Variants in USP7 observed in about 807,000 individuals in gnomAD.
USP7 encodes ubiquitin specific peptidase 7.
A neutral mutation model predicts 162.9 loss-of-function variants in USP7; 9 were observed. That is an observed-to-expected ratio of 0.06 (90% CI 0.03 to 0.10). The LOEUF (loss-of-function observed/expected upper bound fraction) is 0.10. Among genes scored for constraint, USP7 ranks in the 10% least tolerant of loss-of-function variants. The probability of loss-of-function intolerance (pLI) is 1.00; values close to 1 mark genes in which losing one functional copy is unlikely to be tolerated. For synonymous variants in USP7, 562 were observed against 475.9 expected, an observed-to-expected ratio of 1.18 and a Z score of -2.35; for missense variants, 715 against 1,373.7, an observed-to-expected ratio of 0.52 and a Z score of 7.58.
In USP7 at chr16:8,936,592, C is replaced by T; in HGVS notation, c.80-6195G>A. The T allele has an allele frequency of 6.4e-7, 1 of 1,550,726 alleles. No individual in the cohort carries two copies. Among genetic ancestry groups the T allele is most frequent in the South Asian group, 1.2e-5 (1 of 83,786 alleles). ...TGAAAACCTGACTCACCTTCCAGCCCAAGCCTGTGGTTCCCAGCCATCTCT... is the reference window on the plus strand; with the variant it reads ...TGAAAACCTGACTCACCTTCCAGCCTAAGCCTGTGGTTCCCAGCCATCTCT... On this transcript the variant is annotated intron_variant, in intron 1 of 30. Transcript: ENST00000344836.
chr16:8,893,725 TC>T lies in USP7; in HGVS notation c.*272del, dbSNP rs1044675083. ...GGACCCCCGATCCACTAACCTCTTCTCCCCCATTGCGCTGACAGTTGCCTTG... is the reference window on the plus strand; with the variant it reads ...GGACCCCCGATCCACTAACCTCTTCTCCCCATTGCGCTGACAGTTGCCTTG... On this transcript the variant is annotated 3_prime_UTR_variant, in exon 31 of 31. Coordinates refer to ENST00000344836, the MANE Select transcript of USP7 (RefSeq NM_003470.3). 1.0e-5 allele frequency: 4 copies of T among 389,122 alleles called. No individual in the cohort carries two copies. The East Asian group carries it at 2.2e-4, about 21-fold the overall frequency. 24.1% of individuals were successfully genotyped at this position (389,122 alleles called of 1,614,324 possible). A position where few individuals can be genotyped will look rare whatever the true frequency, so the allele number is the denominator to read the frequency against.
intron 30 of USP7, among the ~76,000 whole-genome samples, chr16:8,894,306 T>C (rs2061648115): frequency 6.6e-6 from 1 of 152,150 alleles, no homozygotes; most frequent in Non-Finnish European, 1.5e-5. Flanking sequence ...CTCACAACCC[T>C]GAGTCTCAAT....
At chr16:8,946,477 C>G (rs1412553921) in intron 1 of USP7, among the ~76,000 whole-genome samples, 3 of 152,166 alleles carry the variant, frequency 2.0e-5, no homozygotes, top group African/African-American at 7.2e-5. Flanking sequence ...CAGAAAGAAG[C>G]TGTTAAGTGA....
intron 1 of USP7, among the ~76,000 whole-genome samples, chr16:8,958,058 A>C (rs1351238114): frequency 6.6e-6 from 1 of 152,208 alleles, no homozygotes; most frequent in African/African-American, 2.4e-5. Flanking sequence ...AGTACACTGA[A>C]AAAAGTGTTT....
At chr16:8,919,506 A>G (rs1169246509) in intron 5 of USP7, among the ~76,000 whole-genome samples, 1 of 152,078 alleles carries the variant, frequency 6.6e-6, no homozygotes, top group Non-Finnish European at 1.5e-5. Flanking sequence ...ACAACGTGGA[A>G]AAAGCTGAAA....
chr16:8,894,463 G>C, intron 30 of USP7, 87 bp downstream of exon 30: 1 of 1,367,872 alleles, frequency 7.3e-7, no homozygotes, highest in East Asian at 2.3e-5. Flanking sequence ...GCTGGCACTT[G>C]ACCCTGGGGC....
At position 8,903,392 on chromosome 16, in the gene USP7, T is replaced by G; in HGVS notation, c.1715A>C (p.Glu572Ala). ...HLYMQVQIVA[E>A]DQFCGHQGND... ...CCCTTGGTGGCCACAAAACTGGTCC[T>G]CTGCGACTATCTGAAAATATGTATG... Residue 572 changes from glutamate (E) to alanine (A), a missense_variant, in exon 16 of 31, where the codon GAG becomes GCG. Coordinates refer to ENST00000344836, the MANE Select transcript of USP7 (RefSeq NM_003470.3). 2 of 1,613,788 alleles carry G rather than the reference T, an allele frequency of 1.2e-6. No individual in the cohort carries two copies. The highest frequency in any genetic ancestry group is 1.7e-6 in the Non-Finnish European group (2 of 1,179,746).
In USP7 at chr16:8,899,045, T is replaced by G. The variant is rs1337974322; in HGVS notation, c.2531+76A>C. 6 of 1,478,804 alleles carry G rather than the reference T, an allele frequency of 4.1e-6. No homozygotes were observed. In the African/African-American group the frequency reaches 8.4e-5, roughly 21 times the overall value. The allele number at this position is 1,478,804 out of a possible 1,614,324, so 91.6% of individuals were successfully genotyped here. A position where few individuals can be genotyped will look rare whatever the true frequency, so the allele number is the denominator to read the frequency against. On this transcript the variant is annotated intron_variant, in intron 23 of 30. Coordinates refer to ENST00000344836, the MANE Select transcript of USP7 (RefSeq NM_003470.3). ...TGAAATGGCGAGCTAATTATTAAAA[T>G]TAGTTCCAAGATGTTTCAATGAACT...
intron 11 of USP7, among the ~76,000 whole-genome samples, chr16:8,910,368 T>C (rs1213512000): frequency 2.0e-5 from 3 of 152,162 alleles, no homozygotes; most frequent in African/African-American, 7.2e-5. Flanking sequence ...TCATTAAAAA[T>C]ACATTTAAAA....
chr16:8,939,251 C>A (rs1451000712), intron 1 of USP7, among the ~76,000 whole-genome samples: 1 of 152,200 alleles, frequency 6.6e-6, no homozygotes, highest in East Asian at 1.9e-4. Flanking sequence ...CCTGTTACGA[C>A]CACCCACCCC....
At chr16:8,923,471 A>T in intron 2 of USP7, 58 bp from the exon 3 acceptor site, 2 of 1,564,460 alleles carry the variant, frequency 1.3e-6, no homozygotes, top group Non-Finnish European at 1.7e-6. Flanking sequence ...AAGCACTAGC[A>T]TTAATCGACA....
intron 22 of USP7, 181 bp downstream of exon 22, chr16:8,899,423 T>C (rs2061740575): frequency 1.1e-6 from 1 of 881,814 alleles, no homozygotes. Context: ...ACAGGTTCTT[T>C]TCTGATGGCG....
chr16:8,893,655 G>A lies in USP7; in HGVS notation c.*343C>T, dbSNP rs1026274292. On this transcript the variant is annotated 3_prime_UTR_variant, in exon 31 of 31. Transcript: ENST00000344836. ...TGCACGGGACCCCAGGAAGGCAGCC[G>A]AGCCACTCGTGCCCACTAGGGACAG... 8.4e-6 allele frequency: 2 copies of A among 238,446 alleles called. No homozygotes were observed. The highest frequency in any genetic ancestry group is 6.3e-5 in the South Asian group (1 of 15,826). The allele number at this position is 238,446 out of a possible 1,614,324, so 14.8% of individuals were successfully genotyped here. A position where few individuals can be genotyped will look rare whatever the true frequency, so the allele number is the denominator to read the frequency against.
intron 25 of USP7, among the ~76,000 whole-genome samples, chr16:8,897,789 C>T (rs181328124): frequency 0.016 from 2,213 of 135,594 alleles, 30 homozygotes; most frequent in Non-Finnish European, 0.026. Flanking sequence ...ATCCTAGCTA[C>T]TTGGGGGGCT....
At position 8,963,616 on chromosome 16, in the gene USP7, G is replaced by A. The variant is rs969602107; in HGVS notation, c.-331C>T. 7.0e-5 allele frequency: 10 copies of A among 143,388 alleles called. No homozygotes were observed. Among genetic ancestry groups the A allele is most frequent in the African/African-American group, 1.5e-4 (6 of 40,070 alleles). The allele number at this position is 143,388 out of a possible 1,614,324, so 8.9% of individuals were successfully genotyped here. A position where few individuals can be genotyped will look rare whatever the true frequency, so the allele number is the denominator to read the frequency against. The stretch of plus-strand genomic sequence containing the variant: ...CCCGCCTCCCGCCGCCGGGGCCGGG[G>A]CCGGGGCTGCGGGGCCGCGGGCCGG... On this transcript the variant is annotated 5_prime_UTR_variant, in exon 1 of 31. Coordinates refer to ENST00000344836, the MANE Select transcript of USP7 (RefSeq NM_003470.3).
At chr16:8,900,895 C>T in intron 20 of USP7, 95 bp downstream of exon 20, 2 of 1,305,688 alleles carry the variant, frequency 1.5e-6, no homozygotes, top group Non-Finnish European at 2.1e-6. Flanking sequence ...GCTGGTAGAC[C>T]TAACACTGTA....
intron 26 of USP7, among the ~76,000 whole-genome samples, chr16:8,896,038 T>C (rs1442084787): frequency 6.6e-6 from 1 of 151,962 alleles, no homozygotes; most frequent in Admixed American, 6.6e-5. Flanking sequence ...GGTTTCACCA[T>C]GTTGGTTAGC....
intron 4 of USP7, 91 bp downstream of exon 4, chr16:8,921,066 A>G (rs1363173593): frequency 7.2e-7 from 1 of 1,391,752 alleles, no homozygotes; most frequent in Non-Finnish European, 9.6e-7. Flanking sequence ...ATCTGACTCT[A>G]AAATCAATAA....
intron 26 of USP7, 105 bp from the exon 27 acceptor site, chr16:8,895,846 T>G (rs937011943): frequency 2.4e-6 from 2 of 824,154 alleles, no homozygotes; most frequent in Non-Finnish European, 3.6e-6. Context: ...TATGTTTTTT[T>G]TTTTTTTTTT....
Sources: allele counts gnomAD v4.1 joint callset (sites outside exome capture counted in the v4.1 genomes callset), GRCh38; gene constraint gnomAD v4.1.1; transcripts MANE v1.5; gene names NCBI Gene and HGNC (gene_info 2026-07-23, HGNC 2026-07-21).